The following GAP43 variants were observed in gnomAD, a reference collection of about 807,000 sequenced individuals.
The protein encoded by GAP43 is neuromodulin.
A neutral mutation model predicts 18.6 loss-of-function variants in GAP43; 6 were observed. The ratio of observed to expected loss-of-function variants is 0.32; its 90% CI spans 0.18 to 0.64. GAP43 has a LOEUF of 0.64. GAP43 is among the 30% of genes least tolerant of loss of function. The probability of loss-of-function intolerance (pLI) is 0.78; values close to 1 mark genes in which losing one functional copy is unlikely to be tolerated. For synonymous variants in GAP43, 115 were observed against 111.4 expected (o/e 1.03, Z -0.20); for missense variants, 292 against 295.5 (o/e 0.99, Z 0.09).
At chr3:115,643,293 A>G (rs1708420622) in intron 1 of GAP43, among the ~76,000 whole-genome samples, 1 of 152,086 alleles carries the variant, frequency 6.6e-6, no homozygotes, top group African/African-American at 2.4e-5. Flanking sequence ...TATGGTATCT[A>G]CAGACCCATG....
At chr3:115,713,177 A>T (rs887045849) in intron 2 of GAP43, among the ~76,000 whole-genome samples, 1 of 152,058 alleles carries the variant, frequency 6.6e-6, no homozygotes, top group Non-Finnish European at 1.5e-5. Context: ...GATTTTTATT[A>T]TTATTATTAT....
intron 2 of GAP43, among the ~76,000 whole-genome samples, chr3:115,678,682 C>A (rs1419645414): frequency 2.0e-5 from 3 of 152,086 alleles, no homozygotes; most frequent in Non-Finnish European, 4.4e-5. Flanking sequence ...CAGCACTCTT[C>A]TCTGCCTTAA....
intron 1 of GAP43, among the ~76,000 whole-genome samples, chr3:115,671,080 T>C (rs1708810387): frequency 1.3e-5 from 2 of 152,228 alleles, no homozygotes; most frequent in South Asian, 2.1e-4. Flanking sequence ...CTATGATAAC[T>C]GGGAAAAGTG....
At chr3:115,645,295 T>C (rs1708444797) in intron 1 of GAP43, among the ~76,000 whole-genome samples, 1 of 152,004 alleles carries the variant, frequency 6.6e-6, no homozygotes. Flanking sequence ...GTATCTCCAA[T>C]ATTTTTTGTG....
rs1411378383 is a variant in GAP43 at position 115,644,905 on chromosome 3, T to C, written c.30+21186T>C. 6.6e-6 allele frequency among the ~76,000 whole-genome samples: 1 copy of C among 152,082 alleles called. No individual in the cohort carries two copies. Among genetic ancestry groups the C allele is most frequent in the African/African-American group, 2.4e-5 (1 of 41,444 alleles). On this transcript the variant is annotated intron_variant, in intron 1 of 2. Coordinates refer to ENST00000305124, the MANE Select transcript of GAP43 (RefSeq NM_002045.4). This position sits in a 1 kb window ranked among gnomAD's most constrained non-coding sequence, Gnocchi z 4.2. ...TCGGATAGAAGTGAGGTCATAGCTCTGCTAATGTAAGGTAACTTCAGCATG... is the reference window on the plus strand; with the variant it reads ...TCGGATAGAAGTGAGGTCATAGCTCCGCTAATGTAAGGTAACTTCAGCATG...
chr3:115,659,010 T>C (rs6782261), intron 1 of GAP43: 28,659 of 152,410 alleles, frequency 0.19, 3,415 homozygotes, highest in East Asian at 0.37. Flanking sequence ...GCTGGGTCAA[T>C]TGGAAGTAAC....
chr3:115,679,634 G>C (rs946013835), intron 2 of GAP43, among the ~76,000 whole-genome samples: 3 of 152,164 alleles, frequency 2.0e-5, no homozygotes, highest in Admixed American at 6.5e-5. Flanking sequence ...GGGGTCTCCT[G>C]CTGAGCAGTG....
intron 1 of GAP43, among the ~76,000 whole-genome samples, chr3:115,637,365 A>G (rs560585592): frequency 2.0e-5 from 3 of 152,196 alleles, no homozygotes; most frequent in Admixed American, 6.6e-5. Context: ...AAGCCAAATA[A>G]TTTCTCAGAA....
chr3:115,699,449 A>G (rs958209360), intron 2 of GAP43, among the ~76,000 whole-genome samples: 4 of 152,068 alleles, frequency 2.6e-5, no homozygotes, highest in Non-Finnish European at 5.9e-5. Flanking sequence ...GTGGGTTTCC[A>G]TGGTAACCAG....
chr3:115,720,569 C>A (rs1329373521), intron 2 of GAP43, among the ~76,000 whole-genome samples: 1 of 152,124 alleles, frequency 6.6e-6, no homozygotes, highest in Non-Finnish European at 1.5e-5. Context: ...ACTCACATAC[C>A]TTTGCTCCTG....
chr3:115,705,667 T>A (rs1709353269), intron 2 of GAP43, among the ~76,000 whole-genome samples: 1 of 152,080 alleles, frequency 6.6e-6, no homozygotes, highest in Non-Finnish European at 1.5e-5. Context: ...GCCGGTACAA[T>A]GCCTAAGCAA....
chr3:115,657,263 G>A (rs10934302), intron 1 of GAP43, among the ~76,000 whole-genome samples: 38,391 of 151,966 alleles, frequency 0.25, 5,253 homozygotes, highest in East Asian at 0.39. Flanking sequence ...GTGTAGGAGA[G>A]GTGAGTTGCT....
intron 2 of GAP43, among the ~76,000 whole-genome samples, chr3:115,704,848 G>C (rs1709341075): frequency 1.3e-5 from 2 of 152,096 alleles, no homozygotes; most frequent in Admixed American, 1.3e-4. Context: ...TTCTCATAGA[G>C]AATAAGGAAC....
At chr3:115,630,026 C>T (rs1489563697) in intron 1 of GAP43, among the ~76,000 whole-genome samples, 1 of 152,122 alleles carries the variant, frequency 6.6e-6, no homozygotes, top group Non-Finnish European at 1.5e-5. Context: ...ACTATCTCCC[C>T]TCCATGTCCT....
Position 115,720,829 on chromosome 3 carries a change from C to A in GAP43, c.664C>A (p.Arg222=). The change falls in exon 3 of 3, where the codon CGG becomes AGG. Residue 222 remains arginine, a synonymous_variant. Transcript: ENST00000305124. ...VDETKPKESA[R]QDEGKEEEPE... Reference sequence around the variant, plus strand: ...TGAAACCAAACCTAAGGAAAGTGCCCGGCAGGACGAGGGTAAAGAAGAGGA... The same window carrying A: ...TGAAACCAAACCTAAGGAAAGTGCCAGGCAGGACGAGGGTAAAGAAGAGGA... 6.2e-7 allele frequency: 1 copy of A among 1,612,830 alleles called. No individual in the cohort carries two copies. Among genetic ancestry groups the A allele is most frequent in the Non-Finnish European group, 8.5e-7 (1 of 1,179,238 alleles).
At chr3:115,704,738 C>A (rs1378511771) in intron 2 of GAP43, among the ~76,000 whole-genome samples, 2 of 151,954 alleles carry the variant, frequency 1.3e-5, no homozygotes, top group Non-Finnish European at 2.9e-5. Context: ...TTACTCATTC[C>A]CCAAGGCTAT....
At chr3:115,641,828 T>C (rs1051868837) in intron 1 of GAP43, among the ~76,000 whole-genome samples, 3 of 152,090 alleles carry the variant, frequency 2.0e-5, no homozygotes, top group African/African-American at 7.2e-5. Context: ...TTGACCCAGA[T>C]TGAAATATTT....
At chr3:115,662,972 G>T (rs1167305234) in intron 1 of GAP43, among the ~76,000 whole-genome samples, 1 of 152,136 alleles carries the variant, frequency 6.6e-6, no homozygotes, top group Admixed American at 6.5e-5. Context: ...TTGCTTGCCT[G>T]GTTTCCAAAC....
At chr3:115,684,828 G>A (rs1016206700) in intron 2 of GAP43, among the ~76,000 whole-genome samples, 10 of 152,106 alleles carry the variant, frequency 6.6e-5, no homozygotes, top group African/African-American at 2.2e-4. Context: ...AAGAGTTCTT[G>A]GTGTAGAGGT....
Sources: gnomAD v4.1 joint callset for allele counts (sites outside exome capture counted in the v4.1 genomes callset) on GRCh38, gnomAD v4.1.1 for gene constraint, Gnocchi (gnomAD v3.1) non-coding constraint, MANE v1.5 for transcripts, NCBI Gene and HGNC (gene_info 2026-07-23, HGNC 2026-07-21) for gene names.